Variants in ITPRID1 observed in about 807,000 individuals in gnomAD.
ITPRID1 encodes the protein ITPR interacting domain containing 1.
A neutral mutation model predicts 95.4 loss-of-function variants in ITPRID1; 96 were observed. That is an observed-to-expected ratio of 1.01 (90% CI 0.85 to 1.19). The LOEUF (loss-of-function observed/expected upper bound fraction) is 1.19, where lower values mean the gene tolerates loss of function less well. ITPRID1 is among the 50% of genes most tolerant of loss of function. The probability of loss-of-function intolerance (pLI) is 0.00; values close to 1 mark genes in which losing one functional copy is unlikely to be tolerated. For missense variants in ITPRID1, 1,339 were observed against 1,252.9 expected, an observed-to-expected ratio of 1.07 and a Z score of -1.04; for synonymous variants, 510 against 453.6, an observed-to-expected ratio of 1.12 and a Z score of -1.58.
chr7:31,606,604 G>C (rs1786636641), intron 10 of ITPRID1, among the ~76,000 whole-genome samples: 1 of 152,156 alleles, frequency 6.6e-6, no homozygotes, highest in Admixed American at 6.5e-5. Context: ...TTGATATGGA[G>C]AAAGAATTTC....
chr7:31,580,650 C>T (rs1253630521), intron 9 of ITPRID1, among the ~76,000 whole-genome samples: 3 of 148,626 alleles, frequency 2.0e-5, no homozygotes, highest in African/African-American at 7.6e-5. Flanking sequence ...AGTAGAAACA[C>T]ACTCAGACAC....
chr7:31,593,657 C>A (rs12701126), intron 10 of ITPRID1, among the ~76,000 whole-genome samples: 1 of 151,960 alleles, frequency 6.6e-6, no homozygotes, highest in Non-Finnish European at 1.5e-5. Flanking sequence ...TGTGACCTGA[C>A]GATACCTCAA....
intron 2 of ITPRID1, among the ~76,000 whole-genome samples, chr7:31,550,270 C>T (rs1784240983): frequency 6.7e-6 from 1 of 150,210 alleles, no homozygotes; most frequent in Non-Finnish European, 1.5e-5. Flanking sequence ...TTTGTATACA[C>T]ATGAGGATAA....
chr7:31,652,189 T>A (rs1791024589), intron 14 of ITPRID1, 139 bp downstream of exon 14: 2 of 747,010 alleles, frequency 2.7e-6, no homozygotes, highest in South Asian at 1.9e-5. Context: ...TACAGAGAAG[T>A]ACTTTGGTTT....
At chr7:31,631,954 G>A (rs1292985226) in intron 10 of ITPRID1, among the ~76,000 whole-genome samples, 3 of 152,154 alleles carry the variant, frequency 2.0e-5, no homozygotes, top group Non-Finnish European at 1.5e-5. Context: ...GACGCCGGCC[G>A]ACCAGTGTCC....
intron 1 of ITPRID1, among the ~76,000 whole-genome samples, chr7:31,519,578 ATCTCTCTC>A (rs72374972): frequency 0.025 from 950 of 37,406 alleles, 56 homozygotes; most frequent in African/African-American, 0.069. Flanking sequence ...TATTTCTGGT[ATCTCTCTC>A]TCTCTCTCTC....
At chr7:31,525,963 TA>T (rs59590454) in intron 1 of ITPRID1, among the ~76,000 whole-genome samples, 4 of 151,990 alleles carry the variant, frequency 2.6e-5, no homozygotes, top group East Asian at 1.9e-4. Flanking sequence ...CTGGGAATGT[TA>T]AAAAAAATAC....
chr7:31,558,566 A>T (rs145399498), intron 5 of ITPRID1, among the ~76,000 whole-genome samples: 6 of 152,222 alleles, frequency 3.9e-5, no homozygotes, highest in Non-Finnish European at 8.8e-5. Flanking sequence ...CAGTTATAAG[A>T]TGACTAGGTT....
intron 1 of ITPRID1, among the ~76,000 whole-genome samples, chr7:31,529,172 A>G (rs1783515200): frequency 6.6e-6 from 1 of 152,160 alleles, no homozygotes; most frequent in African/African-American, 2.4e-5. Context: ...ATGTATGTGT[A>G]TGTTTTGCTC....
intron 1 of ITPRID1, among the ~76,000 whole-genome samples, chr7:31,526,065 ACT>A (rs1013606844): frequency 3.9e-5 from 6 of 152,190 alleles, no homozygotes; most frequent in African/African-American, 1.2e-4. Flanking sequence ...CTACCTGGAA[ACT>A]CTGTCAATAA....
intron 10 of ITPRID1, among the ~76,000 whole-genome samples, chr7:31,587,834 C>T (rs1344359397): frequency 1.9e-4 from 28 of 150,494 alleles, no homozygotes; most frequent in African/African-American, 4.4e-4. Context: ...GAAATAACGC[C>T]GCATATCTAC....
At chr7:31,570,268 C>T (rs1330794796) in intron 6 of ITPRID1, among the ~76,000 whole-genome samples, 1 of 152,184 alleles carries the variant, frequency 6.6e-6, no homozygotes, top group Non-Finnish European at 1.5e-5. Flanking sequence ...GTGCCCAGAA[C>T]ACCAGCATTA....
At chr7:31,549,543 TC>T in intron 2 of ITPRID1, 44 bp downstream of exon 2, 1 of 1,399,452 alleles carries the variant, frequency 7.1e-7, no homozygotes, top group Non-Finnish European at 9.7e-7. Flanking sequence ...TCCCAAAAAC[TC>T]CATAAAGTGT....
In ITPRID1 at chr7:31,553,124, C is replaced by T; in HGVS notation, c.100C>T (p.Leu34=). ...LKCTKSAWAP[L]DEWLPPDPEE... ...GTGCACCAAAAGCGCGTGGGCTCCG[C>T]TGGATGAGTGGCTGCCCCCTGACCC... Residue 34 remains leucine (L), a synonymous_variant, in exon 3 of 15, where the codon CTG becomes TTG. Transcript: ENST00000615280. 1.3e-6 allele frequency: 2 copies of T among 1,596,778 alleles called. No homozygotes were observed. Among genetic ancestry groups the T allele is most frequent in the Non-Finnish European group, 1.7e-6 (2 of 1,170,924 alleles).
intron 10 of ITPRID1, among the ~76,000 whole-genome samples, chr7:31,608,584 C>T (rs913847764): frequency 2.0e-5 from 3 of 151,622 alleles, no homozygotes; most frequent in African/African-American, 7.2e-5. Context: ...TTCTTTGGTT[C>T]AGTTTATTCT....
intron 1 of ITPRID1, among the ~76,000 whole-genome samples, chr7:31,530,940 A>C (rs1783577739): frequency 6.6e-6 from 1 of 152,216 alleles, no homozygotes; most frequent in South Asian, 2.1e-4. Flanking sequence ...CCTTGCTCAG[A>C]ACTTCTCTAC....
chr7:31,625,548 C>T (rs1788373587), intron 10 of ITPRID1, among the ~76,000 whole-genome samples: 1 of 151,998 alleles, frequency 6.6e-6, no homozygotes, highest in African/African-American at 2.4e-5. Flanking sequence ...CACATATTCT[C>T]ACTCATAGGT....
rs1791082295 is a variant in ITPRID1 at position 31,652,796 on chromosome 7, T to C, written c.3102T>C (p.Pro1034=). Residue 1034 remains proline, a synonymous_variant, in exon 15 of 15, where the codon CCT becomes CCC. Transcript: ENST00000615280. ...KLGPTPLSNC[P]VGEKDADVFL ...GTCCAACCCCTTTGTCAAATTGTCC[T>C]GTTGGAGAAAAGGATGCAGATGTCT... is the stretch of plus-strand genomic sequence containing the variant. The C allele has an allele frequency of 6.2e-7, 1 of 1,613,550 alleles. No individual in the cohort carries two copies.
chr7:31,613,600 T>TATCA (rs1786980869), intron 10 of ITPRID1, among the ~76,000 whole-genome samples: 3 of 152,238 alleles, frequency 2.0e-5, no homozygotes, highest in Admixed American at 2.0e-4. Context: ...GCTAGTAGAA[T>TATCA]ATCAGGTAGG....
Sources: gnomAD v4.1 joint callset for allele counts (sites outside exome capture counted in the v4.1 genomes callset) on GRCh38, gnomAD v4.1.1 for gene constraint, MANE v1.5 for transcripts, NCBI Gene and HGNC (gene_info 2026-07-23, HGNC 2026-07-21) for gene names.